Variants in VPS13B observed in about 807,000 individuals in gnomAD.
VPS13B encodes the protein intermembrane lipid transfer protein VPS13B.
In VPS13B, 285 loss-of-function variants were observed where a neutral mutation model predicts 426.4. The ratio of observed to expected loss-of-function variants is 0.67; its 90% CI spans 0.61 to 0.74. The LOEUF is 0.74. VPS13B is among the 30% of genes least tolerant of loss of function. The pLI, the probability that VPS13B is intolerant of heterozygous loss-of-function variation, is 0.00. For synonymous variants in VPS13B, 1,676 were observed against 1,676.4 expected, an observed-to-expected ratio of 1.00 and a Z score of 0.01; for missense variants, 4,537 against 4,782.6, an observed-to-expected ratio of 0.95 and a Z score of 1.51.
At position 99,776,793 on chromosome 8, in the gene VPS13B, T is replaced by C. The variant is rs766519309; in HGVS notation, c.7266T>C (p.Gly2422=). ...CCCATAGCTCTGCAAGTGAGTCTGG[T>C]TCTCAAAGCACTTGTGATCCACTTG... ...ADDQSSASES[G]SQSTCDPLVT... Residue 2422 remains glycine, a synonymous_variant, in exon 41 of 62, where the codon GGT becomes GGC. Transcript: ENST00000357162. 28 of 1,614,006 alleles carry C rather than the reference T, an allele frequency of 1.7e-5. No homozygotes were observed. In the Admixed American group the frequency reaches 4.3e-4, roughly 25 times the overall value.
chr8:99,814,424 T>C lies in VPS13B; in HGVS notation c.8098-3116T>C, dbSNP rs183986240. ...CAACCCAGTGTTGTATTTGCTTCTC[T>C]GTCATCCTCTTAGATTTGCCTGCCT... On this transcript the variant is annotated intron_variant, in intron 44 of 61. Coordinates refer to ENST00000357162, the MANE Select transcript of VPS13B (RefSeq NM_152564.5). 3.9e-5 allele frequency among the ~76,000 whole-genome samples: 6 copies of C among 152,340 alleles called. No individual in the cohort carries two copies. The East Asian group carries it at 1.2e-3, about 29-fold the overall frequency.
At chr8:99,065,664 G>A (rs903128376) in intron 3 of VPS13B, among the ~76,000 whole-genome samples, 1 of 152,152 alleles carries the variant, frequency 6.6e-6, no homozygotes, top group Non-Finnish European at 1.5e-5. Context: ...GAGCAATCAG[G>A]CAAGAGAAAG....
At chr8:99,247,680 A>G (rs1426609867) in intron 17 of VPS13B, among the ~76,000 whole-genome samples, 1 of 152,228 alleles carries the variant, frequency 6.6e-6, no homozygotes, top group African/African-American at 2.4e-5. Flanking sequence ...TATCAACTAC[A>G]TAAATTTTGT....
intron 33 of VPS13B, among the ~76,000 whole-genome samples, chr8:99,606,836 G>T (rs1422683374): frequency 1.3e-5 from 2 of 151,966 alleles, no homozygotes; most frequent in African/African-American, 4.8e-5. Context: ...ATGGCTTATG[G>T]TATTCTTCCT....
chr8:99,602,248 A>G (rs192031890), intron 33 of VPS13B, among the ~76,000 whole-genome samples: 11 of 152,332 alleles, frequency 7.2e-5, no homozygotes, highest in Admixed American at 6.5e-4. Flanking sequence ...CATTTATTAA[A>G]TAGGGAATCC....
intron 21 of VPS13B, among the ~76,000 whole-genome samples, chr8:99,408,444 G>A (rs1179465261): frequency 1.3e-5 from 2 of 152,078 alleles, no homozygotes; most frequent in African/African-American, 4.8e-5. Flanking sequence ...ACAGAGAAGG[G>A]TCATGGTTTT....
At chr8:99,286,801 G>A (rs1487267429) in intron 19 of VPS13B, among the ~76,000 whole-genome samples, 2 of 152,102 alleles carry the variant, frequency 1.3e-5, no homozygotes, top group Admixed American at 1.3e-4. Context: ...TATAGAGGCA[G>A]ATCAGAAATA....
At chr8:99,442,309 T>C in intron 22 of VPS13B, 92 bp from the exon 23 acceptor site, 1 of 1,076,710 alleles carries the variant, frequency 9.3e-7, no homozygotes, top group Non-Finnish European at 1.4e-6. Context: ...GAACATTTAC[T>C]TTTTTTGGTT....
chr8:99,585,055 A>G (rs1826238745), intron 33 of VPS13B, among the ~76,000 whole-genome samples: 1 of 152,200 alleles, frequency 6.6e-6, no homozygotes, highest in Non-Finnish European at 1.5e-5. Context: ...TAGAGAAGAG[A>G]AGCAGTAAGG....
chr8:99,707,752 G>A (rs1468630932), intron 36 of VPS13B, among the ~76,000 whole-genome samples: 1 of 152,152 alleles, frequency 6.6e-6, no homozygotes, highest in Non-Finnish European at 1.5e-5. Flanking sequence ...TGAAGCCCAT[G>A]GAGCTAGTCT....
chr8:99,388,134 AAT>A, intron 20 of VPS13B, among the ~76,000 whole-genome samples: 1 of 152,308 alleles, frequency 6.6e-6, no homozygotes, highest in East Asian at 1.9e-4. Context: ...TGATGTATGC[AAT>A]ATGAGGGCAC....
At chr8:99,028,402 C>A (rs1381416201) in intron 2 of VPS13B, among the ~76,000 whole-genome samples, 1 of 147,136 alleles carries the variant, frequency 6.8e-6, no homozygotes, top group Admixed American at 6.7e-5. Context: ...TGACCCCCCC[C>A]ACCTCCCTCC....
intron 60 of VPS13B, 191 bp downstream of exon 60, chr8:99,871,078 G>C (rs1454617995): frequency 6.1e-6 from 4 of 660,098 alleles, no homozygotes; most frequent in Non-Finnish European, 1.1e-5. Context: ...TTTGGGGCTG[G>C]CTGCACAACT....
At chr8:99,763,256 C>T (rs1322917152) in intron 39 of VPS13B, among the ~76,000 whole-genome samples, 1 of 149,870 alleles carries the variant, frequency 6.7e-6, no homozygotes, top group African/African-American at 2.5e-5. Context: ...CTTTCAACTT[C>T]TATACTTCTT....
intron 30 of VPS13B, among the ~76,000 whole-genome samples, chr8:99,537,079 C>T (rs1233652222): frequency 1.3e-5 from 2 of 151,976 alleles, no homozygotes; most frequent in African/African-American, 4.8e-5. Flanking sequence ...ATTTTTTAAT[C>T]CTTTTTTTCA....
intron 34 of VPS13B, among the ~76,000 whole-genome samples, chr8:99,643,798 C>T (rs554802867): frequency 6.6e-6 from 1 of 152,330 alleles, no homozygotes; most frequent in African/African-American, 2.4e-5. Flanking sequence ...CCAGCAACAA[C>T]TGCCTCTCTT....
intron 22 of VPS13B, among the ~76,000 whole-genome samples, chr8:99,431,917 A>G (rs781263882): frequency 3.3e-5 from 5 of 152,032 alleles, no homozygotes; most frequent in Non-Finnish European, 5.9e-5. Flanking sequence ...ATTTTAGTTC[A>G]TTCTACTTTT....
intron 29 of VPS13B, among the ~76,000 whole-genome samples, chr8:99,518,289 A>G (rs1822195020): frequency 6.6e-6 from 1 of 152,190 alleles, no homozygotes; most frequent in Non-Finnish European, 1.5e-5. Context: ...CTTACTACGT[A>G]ATTGAGGACT....
At chr8:99,200,734 G>T (rs1015219092) in intron 17 of VPS13B, among the ~76,000 whole-genome samples, 2 of 151,924 alleles carry the variant, frequency 1.3e-5, no homozygotes, top group Admixed American at 6.6e-5. Flanking sequence ...CTTATTTTAA[G>T]ATCTGCCTCT....
Sources: allele counts gnomAD v4.1 joint callset (sites outside exome capture counted in the v4.1 genomes callset), GRCh38; gene constraint gnomAD v4.1.1; transcripts MANE v1.5; gene names NCBI Gene and HGNC (gene_info 2026-07-23, HGNC 2026-07-21).